The following GPC5 variants were observed in gnomAD, a reference collection of about 807,000 sequenced individuals.
GPC5 encodes the protein glypican-5.
A neutral mutation model predicts 53.9 loss-of-function variants in GPC5; 47 were observed. That is an observed-to-expected ratio of 0.87 (90% CI 0.69 to 1.11). The LOEUF is 1.11. GPC5 is among the 50% of genes most tolerant of loss of function. GPC5 has a pLI of 0.00. For synonymous variants in GPC5, 286 were observed against 263.3 expected, an observed-to-expected ratio of 1.09 and a Z score of -0.84; for missense variants, 748 against 713.1, an observed-to-expected ratio of 1.05 and a Z score of -0.56.
intron 2 of GPC5, among the ~76,000 whole-genome samples, chr13:91,506,004 T>C (rs542251867): frequency 3.3e-5 from 5 of 152,264 alleles, no homozygotes; most frequent in South Asian, 4.1e-4. Flanking sequence ...AAAGGTGATA[T>C]ATTTGTGTTT....
intron 5 of GPC5, among the ~76,000 whole-genome samples, chr13:91,760,902 T>C (rs971513514): frequency 4.6e-5 from 7 of 152,202 alleles, no homozygotes; most frequent in African/African-American, 1.7e-4. Flanking sequence ...TGTATTCATA[T>C]CATATACTCT....
intron 1 of GPC5, among the ~76,000 whole-genome samples, chr13:91,440,628 G>T (rs909264577): frequency 6.6e-6 from 1 of 152,032 alleles, no homozygotes; most frequent in Non-Finnish European, 1.5e-5. Context: ...ATGTTATATC[G>T]ACTCTTCATA....
At chr13:92,319,167 A>G (rs2043199218) in intron 7 of GPC5, among the ~76,000 whole-genome samples, 2 of 152,290 alleles carry the variant, frequency 1.3e-5, no homozygotes, top group South Asian at 4.1e-4. Flanking sequence ...AAAAACTGTC[A>G]TTAAAGTGGA....
chr13:91,721,646 T>A (rs926202852), intron 3 of GPC5, among the ~76,000 whole-genome samples: 12 of 152,160 alleles, frequency 7.9e-5, no homozygotes, highest in African/African-American at 2.9e-4. Context: ...CTCATCCCCC[T>A]AGGCTCCCCA....
intron 7 of GPC5, among the ~76,000 whole-genome samples, chr13:92,494,352 G>A (rs566526749): frequency 6.6e-6 from 1 of 152,268 alleles, no homozygotes; most frequent in Non-Finnish European, 1.5e-5. Flanking sequence ...GCCTCCCAAA[G>A]TTCTGGGATT....
intron 2 of GPC5, among the ~76,000 whole-genome samples, chr13:91,587,256 A>G (rs907008781): frequency 3.9e-5 from 6 of 152,186 alleles, no homozygotes; most frequent in Non-Finnish European, 7.4e-5. Flanking sequence ...AACTTGCTTT[A>G]AAGTCATTTG....
chr13:91,642,625 G>T (rs1594370360), intron 2 of GPC5, among the ~76,000 whole-genome samples: 1 of 151,414 alleles, frequency 6.6e-6, no homozygotes, highest in South Asian at 2.1e-4. Context: ...CCAGAAAGAA[G>T]AATAATGGAA....
intron 6 of GPC5, among the ~76,000 whole-genome samples, chr13:92,120,185 G>C (rs778876126): frequency 1.6e-4 from 24 of 152,144 alleles, no homozygotes; most frequent in Non-Finnish European, 3.1e-4. Flanking sequence ...TTTAAAAGCA[G>C]CAGTAAGTAA....
chr13:92,662,913 C>T (rs1886398656), intron 7 of GPC5, among the ~76,000 whole-genome samples: 2 of 152,116 alleles, frequency 1.3e-5, no homozygotes, highest in Admixed American at 1.3e-4. Flanking sequence ...ACCCTGGAGC[C>T]CTTCCTTAAT....
chr13:91,969,305 T>C (rs2040218637), intron 6 of GPC5, among the ~76,000 whole-genome samples: 1 of 152,166 alleles, frequency 6.6e-6, no homozygotes, highest in East Asian at 1.9e-4. Flanking sequence ...TTGATACATT[T>C]TAAAATTTGC....
chr13:92,521,987 CA>C (rs1256045941), intron 7 of GPC5, among the ~76,000 whole-genome samples: 2 of 152,148 alleles, frequency 1.3e-5, no homozygotes, highest in African/African-American at 4.8e-5. Context: ...AGACACTTCT[CA>C]AAAGAAGACA....
chr13:92,182,855 C>A (rs575181800), intron 7 of GPC5, among the ~76,000 whole-genome samples: 282 of 147,576 alleles, frequency 1.9e-3, no homozygotes, highest in African/African-American at 6.7e-3. Context: ...GGCAACAGAG[C>A]GAGACTCCGT....
At chr13:92,812,543 A>G (rs1256674770) in intron 7 of GPC5, among the ~76,000 whole-genome samples, 4 of 151,928 alleles carry the variant, frequency 2.6e-5, no homozygotes. Context: ...CTTGAATATG[A>G]AAGAGGGCAT....
chr13:92,060,889 A>C (rs2041117383), intron 6 of GPC5, among the ~76,000 whole-genome samples: 1 of 152,096 alleles, frequency 6.6e-6, no homozygotes, highest in Admixed American at 6.5e-5. Context: ...ATATTCTGAA[A>C]ACCTTTAGGA....
intron 7 of GPC5, among the ~76,000 whole-genome samples, chr13:92,745,386 A>AT (rs1889216043): frequency 6.6e-6 from 1 of 152,136 alleles, no homozygotes; most frequent in South Asian, 2.1e-4. Flanking sequence ...CATCTAAACA[A>AT]TTTTTTTGAA....
chr13:91,573,719 A>G (rs1203636455), intron 2 of GPC5, among the ~76,000 whole-genome samples: 1 of 152,168 alleles, frequency 6.6e-6, no homozygotes, highest in Non-Finnish European at 1.5e-5. Context: ...TATTAAAAGC[A>G]TTTTACAGTC....
intron 2 of GPC5, among the ~76,000 whole-genome samples, chr13:91,686,628 A>G (rs1404902130): frequency 6.6e-6 from 1 of 152,010 alleles, no homozygotes; most frequent in African/African-American, 2.4e-5. Flanking sequence ...TCTGAAAATC[A>G]AAAGAATTAT....
At chr13:92,219,889 C>T (rs1470475184) in intron 7 of GPC5, among the ~76,000 whole-genome samples, 5 of 152,108 alleles carry the variant, frequency 3.3e-5, no homozygotes, top group African/African-American at 1.2e-4. Flanking sequence ...TGTAATCAGG[C>T]TCCTTAAGCC....
intron 5 of GPC5, among the ~76,000 whole-genome samples, chr13:91,904,675 A>G (rs2039534784): frequency 6.6e-6 from 1 of 152,032 alleles, no homozygotes; most frequent in African/African-American, 2.4e-5. Context: ...GGTAGATGTT[A>G]AAAAGGGGTT....
Sources: allele counts gnomAD v4.1 joint callset (sites outside exome capture counted in the v4.1 genomes callset), GRCh38; gene constraint gnomAD v4.1.1; transcripts MANE v1.5; gene names NCBI Gene and HGNC (gene_info 2026-07-23, HGNC 2026-07-21).